The following RBFOX2 variants were observed in gnomAD, a reference collection of about 807,000 sequenced individuals.
RBFOX2 encodes the protein RNA binding fox-1 homolog 2.
In RBFOX2, 10 loss-of-function variants were observed where a neutral mutation model predicts 49.1. The observed-to-expected ratio is 0.20, with a 90% CI of 0.13 to 0.35. RBFOX2 has a LOEUF of 0.35. Among genes scored for constraint, RBFOX2 ranks in the 10% least tolerant of loss-of-function variants. RBFOX2 has a pLI of 1.00. For synonymous variants in RBFOX2, 183 were observed against 187.4 expected (o/e 0.98, Z 0.19); for missense variants, 323 against 486.9 (o/e 0.66, Z 3.17).
chr22:35,887,266 C>T (rs2046689584), intron 1 of RBFOX2, among the ~76,000 whole-genome samples: 1 of 152,128 alleles, frequency 6.6e-6, no homozygotes, highest in African/African-American at 2.4e-5. Flanking sequence ...AATCTTTATT[C>T]TCATTGTCAA....
rs181164815 is a variant in RBFOX2, at chr22:35,874,821, C to G, written c.-34+64026G>C. On this transcript the variant is annotated intron_variant, in intron 1 of 13. Coordinates refer to the RBFOX2 transcript ENST00000359369. Reference sequence around the variant, plus strand: ...TATGGACCAAGTGTTTGTGTCCCCCCAACTCCAAGTTCCTATGTTGAGGCC... The same window carrying G: ...TATGGACCAAGTGTTTGTGTCCCCCGAACTCCAAGTTCCTATGTTGAGGCC... 3.7e-3 allele frequency among the ~76,000 whole-genome samples: 568 copies of G among 152,284 alleles called. 4 individuals are homozygous for G. The highest frequency in any genetic ancestry group is 0.013 in the African/African-American group (531 of 41,552).
At chr22:35,855,832 C>G (rs932677918) in intron 1 of RBFOX2, among the ~76,000 whole-genome samples, 4 of 151,654 alleles carry the variant, frequency 2.6e-5, no homozygotes, top group African/African-American at 9.7e-5. Context: ...CAAGACCAGC[C>G]TGGGCAACAT....
intron 1 of RBFOX2, among the ~76,000 whole-genome samples, chr22:35,830,815 T>C (rs757412481): frequency 7.9e-5 from 12 of 152,032 alleles, no homozygotes; most frequent in Non-Finnish European, 1.3e-4. Context: ...TGAAAATGTA[T>C]ATGAAAAGCA....
intron 1 of RBFOX2, among the ~76,000 whole-genome samples, chr22:35,922,571 C>CA (rs879283014): frequency 5.4e-3 from 678 of 124,746 alleles, no homozygotes; most frequent in Admixed American, 7.1e-3. Context: ...GACTCCATTT[C>CA]AAAAAAAAAA....
chr22:35,990,458 T>A (rs970030625), intron 1 of RBFOX2, among the ~76,000 whole-genome samples: 3 of 152,130 alleles, frequency 2.0e-5, no homozygotes, highest in African/African-American at 7.2e-5. Flanking sequence ...GCTTTCTCAA[T>A]GACATTGGAG....
At chr22:35,953,766 G>C (rs2149872323) in intron 1 of RBFOX2, among the ~76,000 whole-genome samples, 1 of 152,210 alleles carries the variant, frequency 6.6e-6, no homozygotes, top group East Asian at 1.9e-4. Flanking sequence ...TACAGCTTGA[G>C]ATAAAATCAT....
intron 1 of RBFOX2, among the ~76,000 whole-genome samples, chr22:35,916,672 G>T (rs2149551852): frequency 6.6e-6 from 1 of 152,040 alleles, no homozygotes; most frequent in East Asian, 1.9e-4. Context: ...GACGCGGGCG[G>T]GTCACCTGAG....
At chr22:35,781,831 C>A (rs1427531569) in intron 2 of RBFOX2, 85 bp from the exon 4 acceptor site, 2 of 1,564,650 alleles carry the variant, frequency 1.3e-6, no homozygotes, top group East Asian at 4.5e-5. Context: ...CATCCCCAAA[C>A]AGGGTATGTT....
chr22:35,963,438 T>C (rs1569513923), upstream of RBFOX2, among the ~76,000 whole-genome samples: 2 of 152,236 alleles, frequency 1.3e-5, no homozygotes, highest in Non-Finnish European at 1.5e-5. Flanking sequence ...TAAGCACTAA[T>C]AATTAATTAG....
intron 1 of RBFOX2, among the ~76,000 whole-genome samples, chr22:35,876,811 G>C (rs1390099415): frequency 6.6e-6 from 1 of 151,886 alleles, no homozygotes; most frequent in East Asian, 1.9e-4. Flanking sequence ...GAAAACGTTT[G>C]AGCACACTGT....
At chr22:35,928,163 A>G (rs1311510670) in intron 1 of RBFOX2, among the ~76,000 whole-genome samples, 1 of 152,160 alleles carries the variant, frequency 6.6e-6, no homozygotes, top group East Asian at 1.9e-4. Flanking sequence ...AAACTTGCCT[A>G]AAGTCATTTA....
chr22:35,858,748 C>T (rs969926645), intron 1 of RBFOX2, among the ~76,000 whole-genome samples: 4 of 151,286 alleles, frequency 2.6e-5, no homozygotes, highest in Admixed American at 6.6e-5. Context: ...ATCGCTTGAA[C>T]CCGGGAGGCG....
chr22:35,993,723 A>G (rs527323580), intron 1 of RBFOX2: 4 of 152,316 alleles, frequency 2.6e-5, no homozygotes, highest in Admixed American at 2.6e-4. Context: ...GCACTGTGTT[A>G]TGAATCCCAA....
At chr22:35,908,595 G>A (rs2049393953) in intron 1 of RBFOX2, among the ~76,000 whole-genome samples, 1 of 152,122 alleles carries the variant, frequency 6.6e-6, no homozygotes, top group Admixed American at 6.6e-5. Flanking sequence ...CCATTGTAAA[G>A]TCAGAAAACT....
intron 3 of RBFOX2, among the ~76,000 whole-genome samples, chr22:35,780,368 C>CA (rs1056826871): frequency 0.029 from 3,705 of 128,806 alleles, 127 homozygotes; most frequent in African/African-American, 0.086. Flanking sequence ...AACAAACAAA[C>CA]AAAAAAAAAA....
chr22:35,950,109 A>AT (rs146393323), intron 1 of RBFOX2, among the ~76,000 whole-genome samples: 1,285 of 107,928 alleles, frequency 0.012, 11 homozygotes, highest in South Asian at 0.025. Flanking sequence ...GTCCAACTTC[A>AT]TTTTTTTTTT....
At chr22:35,977,761 T>TACAC (rs1556504286) in intron 1 of RBFOX2, among the ~76,000 whole-genome samples, 93 of 90,932 alleles carry the variant, frequency 1.0e-3, no homozygotes, top group African/African-American at 3.6e-3. Context: ...TATATATATA[T>TACAC]ACATGCACAC....
At chr22:35,954,532 C>T (rs184602224) in intron 1 of RBFOX2, among the ~76,000 whole-genome samples, 1 of 152,226 alleles carries the variant, frequency 6.6e-6, no homozygotes, top group Non-Finnish European at 1.5e-5. Context: ...CCATCCACCC[C>T]TGCCCAGCTT....
At chr22:35,875,740 C>G (rs1177402204) in intron 1 of RBFOX2, among the ~76,000 whole-genome samples, 1 of 151,416 alleles carries the variant, frequency 6.6e-6, no homozygotes, top group Non-Finnish European at 1.5e-5. Context: ...CCCGACTACC[C>G]TTTTCCAACC....
Sources: allele counts gnomAD v4.1 joint callset (sites outside exome capture counted in the v4.1 genomes callset), GRCh38; gene constraint gnomAD v4.1.1; transcripts MANE v1.5; gene names NCBI Gene and HGNC (gene_info 2026-07-23, HGNC 2026-07-21).